The following KCNN1 variants were observed in gnomAD, a reference collection of about 807,000 sequenced individuals.
KCNN1 encodes the protein potassium calcium-activated channel subfamily N member 1, also known as small conductance calcium-activated potassium channel protein 1.
In KCNN1, 20 loss-of-function variants were observed where a neutral mutation model predicts 44.7. The ratio of observed to expected loss-of-function variants is 0.45; its 90% confidence interval spans 0.32 to 0.65. The LOEUF (loss-of-function observed/expected upper bound fraction) is 0.65, where lower values mean the gene tolerates loss of function less well. Ranked by LOEUF, KCNN1 falls within the 30% of genes least tolerant of loss-of-function variation. KCNN1 has a pLI of 0.05. For missense variants in KCNN1, 632 were observed against 785.3 expected, an observed-to-expected ratio of 0.80 and a Z score of 2.33; for synonymous variants, 324 against 341.7, an observed-to-expected ratio of 0.95 and a Z score of 0.57.
chr19:17,967,269 G>T lies in KCNN1; in HGVS notation c.-130G>T, dbSNP rs1273944672. ...CGACTGGGGGTCCGCGGCCGCGCGG[G>T]ACCCTCTCCCCTCCAGCCTTGTCCG... On this transcript the variant is annotated 5_prime_UTR_variant, in exon 1 of 10. Transcript: ENST00000684775. 8.1e-6 allele frequency: 8 copies of T among 985,220 alleles called. No homozygotes were observed. Among genetic ancestry groups the T allele is most frequent in the Non-Finnish European group, 9.6e-6 (8 of 829,764 alleles). 61.0% of individuals were successfully genotyped at this position (985,220 alleles called of 1,614,324 possible).
At chr19:17,991,653 G>A (rs1388433577) in intron 7 of KCNN1, among the ~76,000 whole-genome samples, 2 of 152,166 alleles carry the variant, frequency 1.3e-5, no homozygotes, top group Non-Finnish European at 2.9e-5. Flanking sequence ...ACTCCAGCCT[G>A]GGCGACAGAG....
At chr19:17,996,393 G>A (rs1568461718) in intron 9 of KCNN1, among the ~76,000 whole-genome samples, 1 of 151,750 alleles carries the variant, frequency 6.6e-6, no homozygotes, top group Non-Finnish European at 1.5e-5. Flanking sequence ...ATCACCTGAG[G>A]CCAGGAGTTC....
At chr19:17,959,040 C>T (rs1266322184) in intron 2 of KCNN1, among the ~76,000 whole-genome samples, 1 of 149,998 alleles carries the variant, frequency 6.7e-6, no homozygotes, top group Non-Finnish European at 1.5e-5. Flanking sequence ...ATTTTGGAGA[C>T]GGAGTCTTGC....
intron 7 of KCNN1, 146 bp downstream of exon 7, chr19:17,989,989 G>A: frequency 8.8e-7 from 1 of 1,131,954 alleles, no homozygotes; most frequent in Non-Finnish European, 1.3e-6. Context: ...CTGGGTGGAT[G>A]GGAGGATCTT....
chr19:17,990,524 G>A (rs2032751959), intron 7 of KCNN1, among the ~76,000 whole-genome samples: 1 of 151,550 alleles, frequency 6.6e-6, no homozygotes, highest in African/African-American at 2.4e-5. Context: ...AAAAAGGCCG[G>A]GCGCGGTGGC....
chr19:17,985,486 G>C (rs756227769), intron 5 of KCNN1, 33 bp downstream of exon 5: 1 of 1,516,044 alleles, frequency 6.6e-7, no homozygotes, highest in Non-Finnish European at 8.9e-7. Flanking sequence ...ATGATCCTGG[G>C]AGGTCCAGCC....
chr19:17,953,917 G>A (rs773999910), intron 1 of KCNN1, among the ~76,000 whole-genome samples: 1 of 151,116 alleles, frequency 6.6e-6, no homozygotes, highest in African/African-American at 2.4e-5. Flanking sequence ...GTGACAAAAT[G>A]TCACCTCCCT....
intron 4 of KCNN1, among the ~76,000 whole-genome samples, chr19:17,984,001 CA>C (rs879290847): frequency 6.3e-4 from 89 of 141,288 alleles, no homozygotes; most frequent in East Asian, 2.0e-3. Flanking sequence ...ACTAAAAATA[CA>C]AAAAAAAAAA....
intron 2 of KCNN1, among the ~76,000 whole-genome samples, chr19:17,961,203 A>G (rs112091344): frequency 0.049 from 7,351 of 150,300 alleles, 305 homozygotes; most frequent in Non-Finnish European, 0.069. Context: ...AAAAAAAAAA[A>G]AAACCCAGAA....
intron 1 of KCNN1, among the ~76,000 whole-genome samples, chr19:17,971,415 G>A (rs537478535): frequency 4.6e-5 from 7 of 152,130 alleles, no homozygotes; most frequent in South Asian, 2.1e-4. Flanking sequence ...AGCCGGGTCC[G>A]GAATCTTCCC....
chr19:17,970,886 A>ATT (rs748603717), intron 1 of KCNN1, among the ~76,000 whole-genome samples: 5 of 136,704 alleles, frequency 3.7e-5, no homozygotes, highest in African/African-American at 5.4e-5. Context: ...AGTGTAGCTC[A>ATT]TTTTTTTTTT....
intron 7 of KCNN1, among the ~76,000 whole-genome samples, chr19:17,990,488 A>T (rs2145967586): frequency 6.7e-6 from 1 of 150,148 alleles, no homozygotes; most frequent in South Asian, 2.1e-4. Context: ...TCTCAAAAAA[A>T]AAAAAAGAAA....
intron 1 of KCNN1, among the ~76,000 whole-genome samples, chr19:17,952,906 A>G (rs1016848626): frequency 9.9e-5 from 15 of 152,196 alleles, no homozygotes; most frequent in Non-Finnish European, 2.1e-4. Flanking sequence ...CACTCGCCCA[A>G]GGTCACCCAG....
chr19:17,969,839 G>A (rs966755521), intron 1 of KCNN1, among the ~76,000 whole-genome samples: 8 of 152,174 alleles, frequency 5.3e-5, no homozygotes, highest in African/African-American at 1.9e-4. Context: ...GGTTTTCCTG[G>A]GCCCCCTGGA....
upstream of KCNN1, among the ~76,000 whole-genome samples, chr19:17,965,166 G>A (rs111393232): frequency 3.2e-4 from 49 of 151,946 alleles, no homozygotes; most frequent in African/African-American, 1.1e-3. Flanking sequence ...ATTGGAAGGC[G>A]GAGGCATGAG....
At chr19:17,975,016 C>G in intron 2 of KCNN1, 76 bp from the exon 3 acceptor site, 1 of 1,119,224 alleles carries the variant, frequency 8.9e-7, no homozygotes, top group South Asian at 1.2e-5. Context: ...TGCCCGGGAG[C>G]CAGGGTAAGG....
chr19:17,976,457 G>T (rs149726559), intron 3 of KCNN1, among the ~76,000 whole-genome samples: 6,384 of 147,678 alleles, frequency 0.043, 151 homozygotes, highest in Middle Eastern at 0.07. Flanking sequence ...CACTGTTGTT[G>T]TCCAGGCTGG....
intron 5 of KCNN1, among the ~76,000 whole-genome samples, chr19:17,987,730 C>T (rs1356686756): frequency 6.6e-6 from 1 of 151,112 alleles, no homozygotes; most frequent in African/African-American, 2.4e-5. Context: ...ATGGTAATGG[C>T]TCATGCCTGT....
rs139484842 is a variant in KCNN1, at chr19:17,980,144, A to T, written c.499-1565A>T. 8.6e-3 allele frequency among the ~76,000 whole-genome samples: 1,274 copies of T among 148,304 alleles called. 9 individuals are homozygous for T. Among genetic ancestry groups the T allele is most frequent in the African/African-American group, 0.029 (1,161 of 40,024 alleles). On this transcript the variant is annotated intron_variant, in intron 3 of 9. Coordinates refer to ENST00000684775, the MANE Select transcript of KCNN1 (RefSeq NM_001386974.1). ...AGTGGCGCAATCTTGGCTCACTGCA[A>T]CCTCTGCCTCCCAGGTTCAAATGAT...
Sources: gnomAD v4.1 joint callset for allele counts (sites outside exome capture counted in the v4.1 genomes callset) on GRCh38, gnomAD v4.1.1 for gene constraint, MANE v1.5 for transcripts, NCBI Gene and HGNC (gene_info 2026-07-23, HGNC 2026-07-21) for gene names.